Variants in TANC1 observed in about 807,000 individuals in gnomAD.
TANC1 encodes the protein tetratricopeptide repeat, ankyrin repeat and coiled-coil containing 1.
A neutral mutation model predicts 149.7 loss-of-function variants in TANC1; 77 were observed. The ratio of observed to expected loss-of-function variants is 0.51; its 90% CI spans 0.43 to 0.62. The LOEUF is 0.62. Among genes scored for constraint, TANC1 ranks in the 20% least tolerant of loss-of-function variants. The pLI, the probability that TANC1 is intolerant of heterozygous loss-of-function variation, is 0.00. For synonymous variants in TANC1, 854 were observed against 925.0 expected, an observed-to-expected ratio of 0.92 and a Z score of 1.39; for missense variants, 1,985 against 2,321.8, an observed-to-expected ratio of 0.85 and a Z score of 2.98.
At chr2:159,212,927 A>AG (rs1491038440) in intron 19 of TANC1, among the ~76,000 whole-genome samples, 290 of 109,386 alleles carry the variant, frequency 2.7e-3, no homozygotes, top group African/African-American at 7.0e-3. Context: ...CTCAAAAAAA[A>AG]AAAAAAAAAA....
chr2:158,980,798 C>T (rs1487069431), intron 1 of TANC1, among the ~76,000 whole-genome samples: 6 of 151,904 alleles, frequency 3.9e-5, no homozygotes, highest in Admixed American at 3.3e-4. Context: ...AAAATTCTCC[C>T]TTAAATAGCA....
At chr2:159,125,557 G>A (rs895262927) in intron 4 of TANC1, among the ~76,000 whole-genome samples, 17 of 136,028 alleles carry the variant, frequency 1.2e-4, no homozygotes, top group African/African-American at 4.4e-4. Context: ...TAGGACTGAG[G>A]TCCCCATTCC....
At chr2:159,028,438 A>G (rs1028276368) in intron 2 of TANC1, among the ~76,000 whole-genome samples, 1 of 152,140 alleles carries the variant, frequency 6.6e-6, no homozygotes, top group African/African-American at 2.4e-5. Flanking sequence ...TACTGTTTAT[A>G]CTTCTCTTGT....
rs186938937 is a variant in TANC1, at chr2:159,132,311, C to T, written c.260-3883C>T. Among the ~76,000 whole-genome samples the T allele has an allele frequency of 1.5e-3, 230 of 152,174 alleles. 1 individual carries two copies. Among genetic ancestry groups the T allele is most frequent in the African/African-American group, 5.3e-3 (221 of 41,496 alleles). On this transcript the variant is annotated intron_variant, in intron 4 of 26. Transcript: ENST00000263635. Reference sequence around the variant, plus strand: ...CTTTGTTATATTCTAGGTCTCCTTTCGTATGTGACATTACTGTGATTTAGT... The same window carrying T: ...CTTTGTTATATTCTAGGTCTCCTTTTGTATGTGACATTACTGTGATTTAGT...
At chr2:159,123,267 C>T (rs899849317) in intron 4 of TANC1, among the ~76,000 whole-genome samples, 2 of 151,956 alleles carry the variant, frequency 1.3e-5, no homozygotes, top group Admixed American at 6.6e-5. Context: ...CTGTATAGGG[C>T]GAAGGGTGGA....
intron 2 of TANC1, among the ~76,000 whole-genome samples, chr2:159,029,404 G>C (rs577776401): frequency 6.6e-6 from 1 of 152,196 alleles, no homozygotes; most frequent in East Asian, 1.9e-4. Flanking sequence ...TTTAAGTAAA[G>C]GTTTGTAATA....
rs396044 is a variant in TANC1, at chr2:159,109,094, C to G, written c.259+11260C>G. On this transcript the variant is annotated intron_variant, in intron 4 of 26. Transcript: ENST00000263635. ...GAGTACAGCTAATGAGCTGACCTTT[C>G]GAAGAGGCTAGGAGAGTAAGTTCAC... Among the ~76,000 whole-genome samples the G allele has an allele frequency of 3.9e-5, 6 of 152,074 alleles. No homozygotes were observed. In the South Asian group the frequency reaches 1.0e-3, roughly 26 times the overall value.
chr2:159,088,099 A>G (rs1200512903), intron 3 of TANC1, among the ~76,000 whole-genome samples: 2 of 151,658 alleles, frequency 1.3e-5, no homozygotes, highest in Non-Finnish European at 2.9e-5. Flanking sequence ...GAAATGTGAG[A>G]AAGTAAACTT....
intron 7 of TANC1, among the ~76,000 whole-genome samples, chr2:159,153,352 G>A (rs1226780812): frequency 2.6e-5 from 4 of 152,136 alleles, no homozygotes; most frequent in South Asian, 2.1e-4. Flanking sequence ...CCCATAACTC[G>A]GCTGAGCATG....
intron 19 of TANC1, among the ~76,000 whole-genome samples, chr2:159,214,769 C>A (rs10167818): frequency 6.6e-6 from 1 of 152,224 alleles, no homozygotes; most frequent in Admixed American, 6.5e-5. Context: ...GTTACCTCCT[C>A]TGGTCCACCA....
intron 4 of TANC1, 112 bp from the exon 5 acceptor site, chr2:159,136,082 C>T: frequency 1.6e-6 from 1 of 634,624 alleles, no homozygotes; most frequent in Non-Finnish European, 2.9e-6. Flanking sequence ...GGGGAAGGCA[C>T]TGGCTCTTCC....
At chr2:159,003,747 G>A (rs1175869658) in intron 2 of TANC1, among the ~76,000 whole-genome samples, 7 of 152,198 alleles carry the variant, frequency 4.6e-5, no homozygotes, top group Admixed American at 3.3e-4. Flanking sequence ...TGCCGCTGCC[G>A]CAGTCGTCGT....
At chr2:158,983,468 C>CAAAAAAAA (rs35472970) in intron 1 of TANC1, among the ~76,000 whole-genome samples, 24 of 88,802 alleles carry the variant, frequency 2.7e-4, no homozygotes, top group African/African-American at 8.3e-4. Flanking sequence ...CTCCGTCTCC[C>CAAAAAAAA]AAAAAAAAAA....
At chr2:159,113,281 T>C (rs1294003379) in intron 4 of TANC1, among the ~76,000 whole-genome samples, 1 of 152,206 alleles carries the variant, frequency 6.6e-6, no homozygotes, top group African/African-American at 2.4e-5. Context: ...ATGATTTTAG[T>C]ATATTGTCCC....
rs1328904592 is a variant in TANC1, at chr2:159,230,186, C to A, written c.4760C>A (p.Thr1587Asn). The change falls in exon 27 of 27, where the codon ACT becomes AAT. Residue 1587 changes from threonine (T) to asparagine (N), a missense_variant. Transcript: ENST00000263635. The surrounding 1 kb of genome is among the most constrained non-coding windows in gnomAD (Gnocchi z 4.4). ...SRTQHLEGTGTFTTRAGCGHF... is the reference protein window; with the variant it reads ...SRTQHLEGTGNFTTRAGCGHF... ...ACCCAGCATTTAGAGGGAACAGGTA[C>A]TTTCACTACAAGAGCTGGTTGTGGC... is the stretch of plus-strand genomic sequence containing the variant. 6.2e-7 allele frequency: 1 copy of A among 1,614,050 alleles called. No individual in the cohort carries two copies. Among genetic ancestry groups the A allele is most frequent in the Non-Finnish European group, 8.5e-7 (1 of 1,180,046 alleles).
chr2:159,145,326 G>A (rs1306777572), intron 5 of TANC1, among the ~76,000 whole-genome samples: 2 of 152,226 alleles, frequency 1.3e-5, no homozygotes, highest in Admixed American at 1.3e-4. Flanking sequence ...TCGCAAGGAA[G>A]TGCGGGCTCT....
At chr2:159,122,401 T>C (rs2048937967) in intron 4 of TANC1, among the ~76,000 whole-genome samples, 2 of 152,320 alleles carry the variant, frequency 1.3e-5, no homozygotes, top group South Asian at 2.1e-4. Flanking sequence ...ACTATTATCA[T>C]TGAAGTGGCC....
At chr2:159,094,310 G>A (rs898537539) in intron 3 of TANC1, among the ~76,000 whole-genome samples, 3 of 152,166 alleles carry the variant, frequency 2.0e-5, no homozygotes, top group Admixed American at 6.5e-5. Flanking sequence ...TCCCCCACAC[G>A]TCTTTTGTAT....
intron 2 of TANC1, among the ~76,000 whole-genome samples, chr2:159,060,642 G>GT (rs2042169483): frequency 6.6e-6 from 1 of 152,214 alleles, no homozygotes; most frequent in African/African-American, 2.4e-5. Context: ...TGAGAACAGG[G>GT]TGGGTGCGAA....
Sources: gnomAD v4.1 joint callset for allele counts (sites outside exome capture counted in the v4.1 genomes callset) on GRCh38, gnomAD v4.1.1 for gene constraint, Gnocchi (gnomAD v3.1) non-coding constraint, MANE v1.5 for transcripts, NCBI Gene and HGNC (gene_info 2026-07-23, HGNC 2026-07-21) for gene names.